PTP4A1: variants seen among roughly 807,000 people sequenced by gnomAD.
PTP4A1 encodes the protein protein tyrosine phosphatase type IVA 1.
Under a neutral mutation model 20.5 loss-of-function variants are expected in PTP4A1, and 9 were observed. The ratio of observed to expected loss-of-function variants is 0.44; its 90% CI spans 0.26 to 0.77. PTP4A1 has a LOEUF of 0.77. Ranked by LOEUF, PTP4A1 falls within the 30% of genes least tolerant of loss-of-function variation. The pLI, the probability that PTP4A1 is intolerant of heterozygous loss-of-function variation, is 0.19. For synonymous variants in PTP4A1, 78 were observed against 67.4 expected (o/e 1.16, Z -0.77); for missense variants, 137 against 218.8 (o/e 0.63, Z 2.36).
At position 63,580,384 on chromosome 6, in the gene PTP4A1, G is replaced by A. The variant is rs1389246473; in HGVS notation, c.*210G>A. 1.2e-5 allele frequency: 6 copies of A among 492,376 alleles called. No individual in the cohort carries two copies. Among genetic ancestry groups the A allele is most frequent in the African/African-American group, 1.2e-4 (6 of 52,030 alleles). The allele number at this position is 492,376 out of a possible 1,614,324, so 30.5% of individuals were successfully genotyped here. A position where few individuals can be genotyped will look rare whatever the true frequency, so the allele number is the denominator to read the frequency against. On this transcript the variant is annotated 3_prime_UTR_variant, in exon 6 of 6. Coordinates refer to ENST00000626021, the MANE Select transcript of PTP4A1 (RefSeq NM_003463.5). ...TTTGGATACTTGGCAAAAGATTCTT[G>A]CTGTCAGCATATAAAATGTGCTTGT...
intron 3 of PTP4A1, among the ~76,000 whole-genome samples, chr6:63,562,385 G>A (rs1263955012): frequency 6.6e-6 from 1 of 151,940 alleles, no homozygotes; most frequent in Non-Finnish European, 1.5e-5. Context: ...TTTTAGTAGA[G>A]ACAGCGTTTC....
intron 2 of PTP4A1, among the ~76,000 whole-genome samples, chr6:63,548,021 C>G (rs954707871): frequency 6.6e-6 from 1 of 152,198 alleles, no homozygotes; most frequent in African/African-American, 2.4e-5. Context: ...TTAATTCCCT[C>G]TAGGGATTCC....
intron 2 of PTP4A1, among the ~76,000 whole-genome samples, chr6:63,534,725 A>T (rs1775631656): frequency 6.7e-6 from 1 of 149,498 alleles, no homozygotes; most frequent in South Asian, 2.1e-4. Context: ...AGGCAGGTGG[A>T]TCACCTGAGG....
intron 2 of PTP4A1, chr6:63,548,675 AT>A: frequency 2.1e-6 from 1 of 469,706 alleles, no homozygotes; most frequent in Non-Finnish European, 3.8e-6. Context: ...TATTTTAATT[AT>A]TTTTATGTAC....
chr6:63,562,190 ATTTTCT>A (rs1776989536), intron 3 of PTP4A1, among the ~76,000 whole-genome samples: 1 of 146,064 alleles, frequency 6.8e-6, no homozygotes, highest in Non-Finnish European at 1.5e-5. Flanking sequence ...ACATTAAGAT[ATTTTCT>A]TTTTCTTTTT....
intron 1 of PTP4A1, chr6:63,573,096 C>T (rs1265007450): frequency 5.8e-6 from 1 of 173,016 alleles, no homozygotes; most frequent in African/African-American, 2.4e-5. Context: ...GCCGCCTCCG[C>T]CCTTGGCCCT....
At chr6:63,564,286 A>G (rs1192469296) in intron 3 of PTP4A1, among the ~76,000 whole-genome samples, 1 of 152,114 alleles carries the variant, frequency 6.6e-6, no homozygotes, top group Non-Finnish European at 1.5e-5. Context: ...AAAAAAAAAA[A>G]AAAAGAGAGA....
chr6:63,569,317 A>G (rs1347154779), upstream of PTP4A1, among the ~76,000 whole-genome samples: 1 of 152,178 alleles, frequency 6.6e-6, no homozygotes, highest in African/African-American at 2.4e-5. Flanking sequence ...GTGCAGTGCC[A>G]TGATCTCGGC....
At chr6:63,551,398 A>C (rs957384013) in intron 3 of PTP4A1, among the ~76,000 whole-genome samples, 2 of 152,206 alleles carry the variant, frequency 1.3e-5, no homozygotes, top group African/African-American at 4.8e-5. Context: ...ACAACAAAAA[A>C]TAGAAAATAG....
chr6:63,580,414 T>A lies in PTP4A1; in HGVS notation c.*240T>A. Reference sequence around the variant, plus strand: ...CAGCATATAAAATGTGCTTGTCATTTGTATCAATTGACCTTTCCCCAAATC... The same window carrying A: ...CAGCATATAAAATGTGCTTGTCATTAGTATCAATTGACCTTTCCCCAAATC... On this transcript the variant is annotated 3_prime_UTR_variant, in exon 6 of 6. Transcript: ENST00000626021. The A allele has an allele frequency of 2.3e-6, 1 of 434,838 alleles. No individual in the cohort carries two copies. The highest frequency in any genetic ancestry group is 3.4e-5 in the South Asian group (1 of 29,322). The allele number at this position is 434,838 out of a possible 1,614,324, so 26.9% of individuals were successfully genotyped here. A position where few individuals can be genotyped will look rare whatever the true frequency, so the allele number is the denominator to read the frequency against.
In PTP4A1 at chr6:63,562,865, G is replaced by C. The variant is rs570062384; in HGVS notation, c.-446+12372G>C. Among the ~76,000 whole-genome samples, 10 of 152,190 alleles carry C rather than the reference G, an allele frequency of 6.6e-5. No homozygotes were observed. In the East Asian group the frequency reaches 1.9e-3, roughly 29 times the overall value. Reference sequence around the variant, plus strand: ...CTGGTTTATTCCCTACAAACATATTGCTAATGAAAATGTGAAATTATGGAA... The same window carrying C: ...CTGGTTTATTCCCTACAAACATATTCCTAATGAAAATGTGAAATTATGGAA... On this transcript the variant is annotated intron_variant, in intron 3 of 3. Transcript: ENST00000639568.
intron 2 of PTP4A1, among the ~76,000 whole-genome samples, chr6:63,535,320 G>A (rs1325336201): frequency 6.6e-6 from 1 of 151,862 alleles, no homozygotes; most frequent in East Asian, 1.9e-4. Context: ...CAAAAAATAA[G>A]CCAGGCATAG....
chr6:63,564,903 T>A (rs1478936774), intron 3 of PTP4A1, among the ~76,000 whole-genome samples: 2 of 152,244 alleles, frequency 1.3e-5, no homozygotes, highest in African/African-American at 4.8e-5. Flanking sequence ...AGTCATGAGT[T>A]ATGGATAGAT....
intron 2 of PTP4A1, among the ~76,000 whole-genome samples, chr6:63,530,344 G>A (rs1229272302): frequency 2.0e-5 from 3 of 152,144 alleles, no homozygotes; most frequent in Admixed American, 2.0e-4. Context: ...AAGCACAAAG[G>A]CTGAATATTA....
intron 2 of PTP4A1, among the ~76,000 whole-genome samples, chr6:63,545,671 G>A (rs1681934): frequency 0.044 from 6,688 of 151,786 alleles, 337 homozygotes; most frequent in African/African-American, 0.13. Flanking sequence ...TCCTGCCCCA[G>A]CCCTGGAACA....
At chr6:63,571,276 G>C (rs1049545440), upstream of PTP4A1, 1 of 152,162 alleles carries the variant, frequency 6.6e-6, no homozygotes, top group Non-Finnish European at 1.5e-5. Context: ...GCAGGGCACT[G>C]AAAGAGGACA....
chr6:63,525,403 T>A (rs1775117170), intron 1 of PTP4A1, among the ~76,000 whole-genome samples: 1 of 152,148 alleles, frequency 6.6e-6, no homozygotes, highest in Non-Finnish European at 1.5e-5. Context: ...TGGAACACAC[T>A]CCTTCCCGTT....
At chr6:63,543,078 C>T (rs575051956) in intron 2 of PTP4A1, among the ~76,000 whole-genome samples, 1 of 152,274 alleles carries the variant, frequency 6.6e-6, no homozygotes, top group South Asian at 2.1e-4. Context: ...CCCCACTGCA[C>T]CTTCTCCTGG....
In PTP4A1 at chr6:63,579,320, A is replaced by G. The variant is rs1168384761; in HGVS notation, c.393A>G (p.Gln131=). ...GAATGAAATACGAAGATGCAGTACA[A>G]TTCATAAGACAGTAAGTAATGGATT... The part of the protein sequence containing the change: ...EGGMKYEDAV[Q]FIRQKRRGAF... Residue 131 remains glutamine, a synonymous_variant, in exon 5 of 6, where the codon CAA becomes CAG. Transcript: ENST00000626021. 3 of 1,602,054 alleles carry G rather than the reference A, an allele frequency of 1.9e-6. No individual in the cohort carries two copies. Among genetic ancestry groups the G allele is most frequent in the South Asian group, 1.1e-5 (1 of 90,072 alleles).
Sources: allele counts gnomAD v4.1 joint callset (sites outside exome capture counted in the v4.1 genomes callset), GRCh38; gene constraint gnomAD v4.1.1; transcripts MANE v1.5; gene names NCBI Gene and HGNC (gene_info 2026-07-23, HGNC 2026-07-21).